The following DHX32 variants were observed in gnomAD, a reference collection of about 807,000 sequenced individuals.
DHX32 encodes DEAH-box helicase 32 (putative).
DHX32 carries 51 observed loss-of-function variants against 70.0 expected under a neutral mutation model. The observed-to-expected ratio is 0.73, with a 90% CI of 0.58 to 0.92. The LOEUF (loss-of-function observed/expected upper bound fraction) is 0.92. Among genes scored for constraint, DHX32 ranks in the 40% least tolerant of loss-of-function variants. DHX32 has a pLI of 0.00. For missense variants in DHX32, 762 were observed against 891.8 expected (o/e 0.85, Z 1.85); for synonymous variants, 310 against 315.3 (o/e 0.98, Z 0.18).
At position 125,841,453 on chromosome 10, in the gene DHX32, TTTC is replaced by T; in HGVS notation, c.1543+287_1543+289del. 3 of 1,539,646 alleles carry T rather than the reference TTTC, an allele frequency of 1.9e-6. No individual in the cohort carries two copies. In the South Asian group the frequency reaches 3.7e-5, roughly 19 times the overall value. On this transcript the variant is annotated intron_variant, in intron 7 of 10. Transcript: ENST00000284690. ...GGGAAAAACACCTCTAGTGACACAT[TTTC>T]TTCATCTGCACTGATTATTTCAGCA...
Position 125,836,642 on chromosome 10 carries a change from C to T in DHX32, c.*45G>A. On this transcript the variant is annotated 3_prime_UTR_variant, in exon 11 of 11. Transcript: ENST00000284690. ...CTCCCATATCCAGCAGTTCAGCCAT[C>T]CAGCTACCTTTGGGACCCTGCTGCA... is the stretch of plus-strand genomic sequence containing the variant. 1 of 1,593,914 alleles carries T rather than the reference C, an allele frequency of 6.3e-7. No individual in the cohort carries two copies. Among genetic ancestry groups the T allele is most frequent in the East Asian group, 2.2e-5 (1 of 44,640 alleles).
chr10:125,881,969 T>C (rs1944320128), upstream of DHX32, among the ~76,000 whole-genome samples: 1 of 152,198 alleles, frequency 6.6e-6, no homozygotes, highest in Non-Finnish European at 1.5e-5. Flanking sequence ...TAAGGTCTTT[T>C]GTTTAATTAA....
At chr10:125,853,305 G>A in intron 4 of DHX32, 1 of 946,908 alleles carries the variant, frequency 1.1e-6, no homozygotes, top group Non-Finnish European at 1.5e-6. Context: ...TCGGCACCTA[G>A]TAATGGTAAA....
At chr10:125,872,841 C>T (rs575624581) in intron 1 of DHX32, among the ~76,000 whole-genome samples, 1 of 152,322 alleles carries the variant, frequency 6.6e-6, no homozygotes, top group African/African-American at 2.4e-5. Flanking sequence ...AAGGAAATCA[C>T]CAACACTCTG....
At chr10:125,848,283 T>C (rs1944049511) in intron 6 of DHX32, among the ~76,000 whole-genome samples, 1 of 152,194 alleles carries the variant, frequency 6.6e-6, no homozygotes, top group African/African-American at 2.4e-5. Flanking sequence ...CTGCTTCACT[T>C]AATTTCACAG....
chr10:125,841,195 G>GTA (rs1854867807), intron 7 of DHX32, 199 bp from the exon 8 acceptor site: 2 of 1,505,788 alleles, frequency 1.3e-6, no homozygotes, highest in South Asian at 1.2e-5. Flanking sequence ...TTTTGTGTGT[G>GTA]TGTGTTTGCT....
intron 10 of DHX32, 44 bp from the exon 11 acceptor site, chr10:125,836,899 TG>T: frequency 6.4e-7 from 1 of 1,573,584 alleles, no homozygotes; most frequent in Non-Finnish European, 8.7e-7. Context: ...GTGGGGAAGG[TG>T]GTGAGAGACA....
rs1449664088 is a variant in DHX32 at position 125,836,390 on chromosome 10, G to C, written c.*297C>G. ...ATTAAGTTCCTCTACAAAAAGTAGG[G>C]TTCTGTCCCATGTGTCTCTGACACA... On this transcript the variant is annotated 3_prime_UTR_variant, in exon 11 of 11. Coordinates refer to ENST00000284690, the MANE Select transcript of DHX32 (RefSeq NM_018180.3). 11 of 1,538,998 alleles carry C rather than the reference G, an allele frequency of 7.1e-6. No homozygotes were observed. In the African/African-American group the frequency reaches 8.4e-5, roughly 12 times the overall value.
At chr10:125,894,903 T>C (rs562577933) in intron 1 of DHX32, among the ~76,000 whole-genome samples, 286 of 152,274 alleles carry the variant, frequency 1.9e-3, no homozygotes, top group Non-Finnish European at 3.5e-3. Flanking sequence ...GGAGTACTGC[T>C]GATCTTTATA....
intron 1 of DHX32, among the ~76,000 whole-genome samples, chr10:125,871,484 C>A (rs990600348): frequency 1.8e-4 from 28 of 152,220 alleles, no homozygotes; most frequent in African/African-American, 6.3e-4. Context: ...ACATAGGATG[C>A]AGCTCCCCTT....
chr10:125,862,232 T>C (rs1284572256), intron 2 of DHX32, among the ~76,000 whole-genome samples: 1 of 152,230 alleles, frequency 6.6e-6, no homozygotes, highest in Non-Finnish European at 1.5e-5. Context: ...TAAAAGTCCA[T>C]GTTCTTCCTC....
Position 125,854,002 on chromosome 10 carries a change from A to C in DHX32, c.1051T>G (p.Ser351Ala). The C allele has an allele frequency of 6.2e-7, 1 of 1,614,054 alleles. No individual in the cohort carries two copies. The highest frequency in any genetic ancestry group is 8.5e-7 in the Non-Finnish European group (1 of 1,179,980). ...CCCACATCGATAACAAATCTGACTG[A>C]GTTGCTCCAGATCAAAAACTCTCCA... ...SSGEFLIWSN[S>A]VRFVIDVGVE... Residue 351 changes from serine (S) to alanine (A), a missense_variant, in exon 4 of 11, where the codon TCA becomes GCA. By Grantham distance (99) the Ser-to-Ala change is moderately conservative (BLOSUM62 1). Transcript: ENST00000284690.
chr10:125,865,331 T>C (rs1944214304), intron 2 of DHX32, among the ~76,000 whole-genome samples: 1 of 152,206 alleles, frequency 6.6e-6, no homozygotes, highest in Non-Finnish European at 1.5e-5. Context: ...CAGCAATTTA[T>C]AAATACATAG....
intron 1 of DHX32, among the ~76,000 whole-genome samples, chr10:125,893,564 G>A (rs1944383997): frequency 1.3e-5 from 2 of 152,224 alleles, no homozygotes; most frequent in African/African-American, 4.8e-5. Context: ...GACTGTGGAC[G>A]AGTAAAGGGC....
Position 125,852,612 on chromosome 10 carries a change from G to A in DHX32, c.1123C>T (p.Leu375Phe). The change falls in exon 5 of 11, where the codon CTC becomes TTC. Residue 375 changes from leucine to phenylalanine, a missense_variant. Physicochemically the swap from Leu to Phe is conservative, Grantham distance 22. Coordinates refer to ENST00000284690, the MANE Select transcript of DHX32 (RefSeq NM_018180.3). ...VYNPRIRANS[L>F]VMQPISQSQA... ...CTCTGGCTGATGGGCTGCATGACGAGCGAGTTTGCTCTTATTCTCGGGTTG... is the reference window on the plus strand; with the variant it reads ...CTCTGGCTGATGGGCTGCATGACGAACGAGTTTGCTCTTATTCTCGGGTTG... The A allele has an allele frequency of 4.3e-6, 7 of 1,612,768 alleles. No homozygotes were observed. Among genetic ancestry groups the A allele is most frequent in the Non-Finnish European group, 5.9e-6 (7 of 1,179,694 alleles).
Position 125,894,179 on chromosome 10 carries a change from T to C in DHX32, c.-248+2039A>G, listed in dbSNP as rs1944387789. On this transcript the variant is annotated intron_variant, in intron 1 of 2. Transcript: ENST00000415732. Reference sequence around the variant, plus strand: ...GCCCGTGAAAAGAAATAAAACACAATGGTAGAAAACTCCAAAAAGGTAGAG... The same window carrying C: ...GCCCGTGAAAAGAAATAAAACACAACGGTAGAAAACTCCAAAAAGGTAGAG... 2.6e-5 allele frequency among the ~76,000 whole-genome samples: 4 copies of C among 152,064 alleles called. No homozygotes were observed. In the South Asian group the frequency reaches 8.3e-4, roughly 31 times the overall value.
intron 1 of DHX32, among the ~76,000 whole-genome samples, chr10:125,879,794 G>A (rs1033947242): frequency 6.6e-6 from 1 of 152,080 alleles, no homozygotes; most frequent in Non-Finnish European, 1.5e-5. Flanking sequence ...TGGGACGACA[G>A]GCATGCAGCA....
intron 8 of DHX32, 105 bp downstream of exon 8, chr10:125,840,742 C>T: frequency 7.6e-7 from 1 of 1,313,586 alleles, no homozygotes; most frequent in South Asian, 1.7e-5. Flanking sequence ...ATTCAAGTGG[C>T]CAGTAGGGCT....
At chr10:125,860,877 A>C (rs529553318) in intron 2 of DHX32, among the ~76,000 whole-genome samples, 3 of 146,388 alleles carry the variant, frequency 2.0e-5, no homozygotes, top group Non-Finnish European at 3.0e-5. Flanking sequence ...CTCAGCCTCC[A>C]GAGTAGCTGG....
Sources: allele counts gnomAD v4.1 joint callset (sites outside exome capture counted in the v4.1 genomes callset), GRCh38; gene constraint gnomAD v4.1.1; transcripts MANE v1.5; gene names NCBI Gene and HGNC (gene_info 2026-07-23, HGNC 2026-07-21).